The following HEMK2 variants were observed in gnomAD, a reference collection of about 807,000 sequenced individuals.
The protein encoded by HEMK2 is HemK methyltransferase 2, ETF1 glutamine and histone H4 lysine, also known as methyltransferase HEMK2.
the HEMK2 span, among the ~76,000 whole-genome samples, chr21:28,620,793 C>A: frequency 6.7e-6 from 1 of 149,754 alleles, no homozygotes; most frequent in Non-Finnish European, 1.5e-5. Context: ...CCTGCCTCAG[C>A]CTCCCAAGTA....
the HEMK2 span, chr21:28,883,195 T>C: frequency 1.9e-6 from 1 of 518,730 alleles, no homozygotes; most frequent in Non-Finnish European, 3.2e-6. Context: ...TGCAAATATA[T>C]GAAAATAGAA....
chr21:28,591,073 G>T, the HEMK2 span, among the ~76,000 whole-genome samples: 1 of 152,304 alleles, frequency 6.6e-6, no homozygotes, highest in Admixed American at 6.5e-5. Context: ...TAAATGGCAA[G>T]AATGTGTTAT....
At chr21:28,768,605 GA>G in the HEMK2 span, among the ~76,000 whole-genome samples, 1 of 152,006 alleles carries the variant, frequency 6.6e-6, no homozygotes, top group African/African-American at 2.4e-5. Context: ...GAACAAGAAG[GA>G]AGAGGCAGAT....
chr21:28,712,519 T>C, the HEMK2 span, among the ~76,000 whole-genome samples: 1 of 152,106 alleles, frequency 6.6e-6, no homozygotes, highest in African/African-American at 2.4e-5. Flanking sequence ...GGCAACAATG[T>C]TTCAAGGAGG....
chr21:28,824,972 G>A, the HEMK2 span, among the ~76,000 whole-genome samples: 29 of 152,274 alleles, frequency 1.9e-4, no homozygotes, highest in Admixed American at 4.6e-4. Context: ...CAGTTAACCC[G>A]TCTTGGGCAA....
the HEMK2 span, among the ~76,000 whole-genome samples, chr21:28,681,232 T>C: frequency 3.3e-5 from 5 of 152,020 alleles, no homozygotes; most frequent in Non-Finnish European, 4.4e-5. Flanking sequence ...GTGTGAAAAA[T>C]CACAAGCATT....
chr21:28,679,932 C>G, the HEMK2 span, among the ~76,000 whole-genome samples: 2 of 151,932 alleles, frequency 1.3e-5, no homozygotes, highest in Admixed American at 1.3e-4. Flanking sequence ...GCACTAAATG[C>G]CCACAAGAGA....
the HEMK2 span, among the ~76,000 whole-genome samples, chr21:28,626,201 G>A: frequency 6.6e-6 from 1 of 152,234 alleles, no homozygotes; most frequent in East Asian, 1.9e-4. Flanking sequence ...GATGGGTGGA[G>A]TAGAAAATAG....
chr21:28,625,554 T>C, the HEMK2 span, among the ~76,000 whole-genome samples: 4 of 152,010 alleles, frequency 2.6e-5, no homozygotes, highest in Non-Finnish European at 5.9e-5. Flanking sequence ...ACCCCGTCTG[T>C]ACTAAAAGTA....
At chr21:28,708,582 G>A in the HEMK2 span, among the ~76,000 whole-genome samples, 1 of 152,128 alleles carries the variant, frequency 6.6e-6, no homozygotes, top group Non-Finnish European at 1.5e-5. Context: ...TGTCAACAAT[G>A]GTTATGACCA....
chr21:28,817,870 G>A, the HEMK2 span, among the ~76,000 whole-genome samples: 35 of 152,172 alleles, frequency 2.3e-4, no homozygotes, highest in African/African-American at 7.2e-4. Flanking sequence ...TTACTATCTC[G>A]GAGCTCTGGT....
chr21:28,596,298 G>A, the HEMK2 span, among the ~76,000 whole-genome samples: 2 of 152,102 alleles, frequency 1.3e-5, no homozygotes, highest in Non-Finnish European at 2.9e-5. Flanking sequence ...GATTACAGGT[G>A]TAAGCCACCG....
the HEMK2 span, among the ~76,000 whole-genome samples, chr21:28,797,042 G>A: frequency 6.6e-6 from 1 of 152,134 alleles, no homozygotes; most frequent in Non-Finnish European, 1.5e-5. Flanking sequence ...TGTTCCTTCC[G>A]ACAGTTTCTA....
chr21:28,859,866 C>G, the HEMK2 span, among the ~76,000 whole-genome samples: 61 of 152,262 alleles, frequency 4.0e-4, no homozygotes, highest in African/African-American at 1.3e-3. Context: ...TACTGTTCAT[C>G]CTTTTCCCCA....
chr21:28,597,904 T>TAACA, the HEMK2 span, among the ~76,000 whole-genome samples: 44 of 152,244 alleles, frequency 2.9e-4, 2 homozygotes, highest in South Asian at 9.1e-3. Flanking sequence ...AATTTGATGT[T>TAACA]AAGGATGGAA....
the HEMK2 span, among the ~76,000 whole-genome samples, chr21:28,603,469 G>GAT: frequency 6.6e-6 from 1 of 150,498 alleles, no homozygotes; most frequent in Non-Finnish European, 1.5e-5. Context: ...TTTTACTGAG[G>GAT]ATATATATAG....
At chr21:28,871,192 G>A in the HEMK2 span, among the ~76,000 whole-genome samples, 80 of 152,062 alleles carry the variant, frequency 5.3e-4, no homozygotes, top group Non-Finnish European at 1.0e-3. Context: ...GTCTGTTCTC[G>A]CATTGCTATA....
the HEMK2 span, chr21:28,671,269 C>T: frequency 6.6e-6 from 1 of 152,188 alleles, no homozygotes; most frequent in African/African-American, 2.4e-5. Flanking sequence ...AAAGTGAGAA[C>T]AGGCAGTGGT....
At chr21:28,741,177 G>A in the HEMK2 span, among the ~76,000 whole-genome samples, 1 of 152,072 alleles carries the variant, frequency 6.6e-6, no homozygotes. Context: ...AATGAGATAT[G>A]TCCAGGCCAA....
Sources: allele counts gnomAD v4.1 joint callset (sites outside exome capture counted in the v4.1 genomes callset), GRCh38; gene constraint gnomAD v4.1.1; transcripts MANE v1.5; gene names NCBI Gene and HGNC (gene_info 2026-07-23, HGNC 2026-07-21).